Variants in WWP1 observed in about 807,000 individuals in gnomAD.
WWP1 encodes the protein WW domain containing E3 ubiquitin protein ligase 1.
Under a neutral mutation model 130.6 loss-of-function variants are expected in WWP1, and 49 were observed. The ratio of observed to expected loss-of-function variants is 0.38; its 90% CI spans 0.30 to 0.48. The LOEUF is 0.48. Ranked by LOEUF, WWP1 falls within the 20% of genes least tolerant of loss-of-function variation. WWP1 has a pLI of 0.99. For missense variants in WWP1, 809 were observed against 1,100.6 expected, an observed-to-expected ratio of 0.74 and a Z score of 3.75; for synonymous variants, 332 against 367.8, an observed-to-expected ratio of 0.90 and a Z score of 1.11.
At chr8:86,432,664 A>G (rs938123280) in intron 14 of WWP1, among the ~76,000 whole-genome samples, 8 of 151,898 alleles carry the variant, frequency 5.3e-5, no homozygotes, top group South Asian at 4.2e-4. Context: ...CTGGAGTGCA[A>G]TGATGCGATG....
intron 14 of WWP1, among the ~76,000 whole-genome samples, chr8:86,433,857 G>A (rs1810133369): frequency 6.6e-6 from 1 of 152,060 alleles, no homozygotes; most frequent in Non-Finnish European, 1.5e-5. Context: ...GGCAGAGGTT[G>A]CAGTGAGCCG....
intron 18 of WWP1, among the ~76,000 whole-genome samples, chr8:86,445,549 A>G (rs937225063): frequency 1.3e-5 from 2 of 152,180 alleles, no homozygotes; most frequent in Non-Finnish European, 2.9e-5. Context: ...TGGTGCTTAC[A>G]GTCCACCATT....
Position 86,461,335 on chromosome 8 carries a change from ACTGTAATTTCT to A in WWP1, c.2596+21_2596+31del, listed in dbSNP as rs752388655. The A allele has an allele frequency of 1.4e-5, 23 of 1,604,922 alleles. No individual in the cohort carries two copies. The highest frequency in any genetic ancestry group is 1.9e-5 in the Non-Finnish European group (22 of 1,171,850). ...TGAGCTCATGGGTAAATGTAATTTC[ACTGTAATTTCT>A]CTGTACGTAATTTTGTGATAATAAT... On this transcript the variant is annotated intron_variant, in intron 23 of 24. Transcript: ENST00000517970.
chr8:86,342,951 G>T, intron 1 of WWP1, 21 bp downstream of exon 1: 1 of 334,826 alleles, frequency 3.0e-6, no homozygotes, highest in Non-Finnish European at 5.4e-6. Context: ...CGCGGCGCGG[G>T]GCTGGGGGTG....
At chr8:86,442,888 T>A (rs776792141) in intron 18 of WWP1, 110 bp downstream of exon 18, 6 of 1,204,706 alleles carry the variant, frequency 5.0e-6, no homozygotes, top group Non-Finnish European at 5.6e-6. Context: ...TCACAAGTTT[T>A]GTTACCAAGA....
intron 21 of WWP1, among the ~76,000 whole-genome samples, chr8:86,457,429 GTCTA>G (rs768730517): frequency 0.021 from 881 of 42,532 alleles, 14 homozygotes; most frequent in African/African-American, 0.083. Context: ...CTGTCTGTCT[GTCTA>G]TCTATCTATC....
chr8:86,353,329 A>C (rs1255321789), intron 1 of WWP1, among the ~76,000 whole-genome samples: 1 of 152,204 alleles, frequency 6.6e-6, no homozygotes, highest in Non-Finnish European at 1.5e-5. Flanking sequence ...CTGTCATCAG[A>C]AGAGTAGATC....
chr8:86,432,539 T>TA (rs941078514), intron 14 of WWP1, among the ~76,000 whole-genome samples: 15 of 85,368 alleles, frequency 1.8e-4, no homozygotes, highest in Admixed American at 3.0e-4. Flanking sequence ...CTCCTAGATA[T>TA]AAAAAAAAAG....
intron 1 of WWP1, among the ~76,000 whole-genome samples, chr8:86,359,118 A>G (rs999679212): frequency 6.6e-6 from 1 of 152,224 alleles, no homozygotes; most frequent in African/African-American, 2.4e-5. Flanking sequence ...ATTGGGGACA[A>G]TTGGCAATGA....
At chr8:86,391,164 G>A (rs577520692) in intron 5 of WWP1, among the ~76,000 whole-genome samples, 111 of 152,204 alleles carry the variant, frequency 7.3e-4, no homozygotes, top group Non-Finnish European at 1.4e-3. Flanking sequence ...TCTTGTTAGG[G>A]AGATTGTTCC....
At chr8:86,419,780 A>G (rs563418658) in intron 9 of WWP1, among the ~76,000 whole-genome samples, 5 of 152,304 alleles carry the variant, frequency 3.3e-5, no homozygotes, top group South Asian at 2.1e-4. Flanking sequence ...TTTTAAGACA[A>G]TTTGTTGTGA....
chr8:86,419,157 C>T (rs1218251058), intron 9 of WWP1, among the ~76,000 whole-genome samples: 3 of 152,146 alleles, frequency 2.0e-5, no homozygotes, highest in African/African-American at 4.8e-5. Context: ...CGGTGGCTCC[C>T]GTCTGTAATC....
At chr8:86,402,325 A>T (rs914192222) in intron 8 of WWP1, 122 bp downstream of exon 8, 2 of 1,280,578 alleles carry the variant, frequency 1.6e-6, no homozygotes, top group Non-Finnish European at 2.1e-6. Flanking sequence ...TCGCTCTGTC[A>T]CCCAGGCTGG....
chr8:86,427,943 T>G (rs2130659501), intron 11 of WWP1, 126 bp downstream of exon 11: 1 of 799,408 alleles, frequency 1.3e-6, no homozygotes, highest in East Asian at 2.9e-5. Context: ...TGGTATAGAC[T>G]GTGTTACAAG....
chr8:86,377,317 C>T (rs940246027), intron 3 of WWP1, among the ~76,000 whole-genome samples: 3 of 149,788 alleles, frequency 2.0e-5, no homozygotes, highest in Admixed American at 6.7e-5. Flanking sequence ...AGGCTGGTCT[C>T]GAACTCCTGA....
At chr8:86,429,396 T>C (rs1809813132) in intron 11 of WWP1, among the ~76,000 whole-genome samples, 1 of 152,132 alleles carries the variant, frequency 6.6e-6, no homozygotes, top group Admixed American at 6.5e-5. Flanking sequence ...AAGATAAATA[T>C]TGAGTATAAT....
intron 1 of WWP1, among the ~76,000 whole-genome samples, chr8:86,344,382 A>G (rs1322315379): frequency 6.6e-6 from 1 of 152,204 alleles, no homozygotes; most frequent in Non-Finnish European, 1.5e-5. Flanking sequence ...GCCTTCAAAG[A>G]GATGGTAATC....
chr8:86,435,447 T>G lies in WWP1; in HGVS notation c.1602-5T>G. 1 of 1,613,958 alleles carries G rather than the reference T, an allele frequency of 6.2e-7. No individual in the cohort carries two copies. Among genetic ancestry groups the G allele is most frequent in the East Asian group, 2.2e-5 (1 of 44,866 alleles). ...TTAATTTGGTTTATTTTTGTTTTTC[T>G]TTAGAACTAAAGGTGGTCCACAAAT... On this transcript the variant is annotated splice_polypyrimidine_tract_variant and splice_region_variant and intron_variant, in intron 14 of 24. Coordinates refer to ENST00000517970, the MANE Select transcript of WWP1 (RefSeq NM_007013.4).
chr8:86,430,896 T>C, intron 12 of WWP1, 145 bp downstream of exon 12: 1 of 200,610 alleles, frequency 5.0e-6, no homozygotes, highest in Non-Finnish European at 9.6e-6. Flanking sequence ...ATATCCCTTA[T>C]AATATATAAT....
Sources: allele counts gnomAD v4.1 joint callset (sites outside exome capture counted in the v4.1 genomes callset), GRCh38; gene constraint gnomAD v4.1.1; transcripts MANE v1.5; gene names NCBI Gene and HGNC (gene_info 2026-07-23, HGNC 2026-07-21).